PKD2L2: variants seen among roughly 807,000 people sequenced by gnomAD.
PKD2L2 encodes the protein polycystin-2-like protein 2.
Under a neutral mutation model 83.9 loss-of-function variants are expected in PKD2L2, and 67 were observed. That is an observed-to-expected ratio of 0.80 (90% CI 0.66 to 0.98). The LOEUF (loss-of-function observed/expected upper bound fraction) is 0.98. Ranked by LOEUF, PKD2L2 falls within the 50% of genes least tolerant of loss-of-function variation. The pLI is 0.00. For synonymous variants in PKD2L2, 223 were observed against 237.8 expected (o/e 0.94, Z 0.57); for missense variants, 632 against 717.2 (o/e 0.88, Z 1.36).
In PKD2L2 at chr5:137,942,630, T is replaced by C. The variant is rs1762196118; in HGVS notation, c.*264T>C. The C allele has an allele frequency of 2.4e-6, 1 of 421,118 alleles. No individual in the cohort carries two copies. 26.1% of individuals were successfully genotyped at this position (421,118 alleles called of 1,614,324 possible). Reference sequence around the variant, plus strand: ...CTCCTGCCTCAGCTTCAAAAACTGCTGGGATTATAGGCATGAGCCACTGTG... The same window carrying C: ...CTCCTGCCTCAGCTTCAAAAACTGCCGGGATTATAGGCATGAGCCACTGTG... On this transcript the variant is annotated 3_prime_UTR_variant, in exon 15 of 15. Transcript: ENST00000508883.
intron 5 of PKD2L2, among the ~76,000 whole-genome samples, chr5:137,903,525 T>C (rs1264620876): frequency 1.3e-5 from 2 of 152,176 alleles, no homozygotes; most frequent in African/African-American, 4.8e-5. Context: ...AAAGAAGCCA[T>C]TCTGAAAGGA....
chr5:137,893,927 A>T (rs754188217), intron 3 of PKD2L2, among the ~76,000 whole-genome samples: 3 of 152,226 alleles, frequency 2.0e-5, no homozygotes, highest in Non-Finnish European at 4.4e-5. Flanking sequence ...GCTTGGGTTC[A>T]TCTTAGAACG....
At chr5:137,891,916 T>G (rs944298547) in intron 2 of PKD2L2, among the ~76,000 whole-genome samples, 2 of 152,118 alleles carry the variant, frequency 1.3e-5, no homozygotes, top group African/African-American at 4.8e-5. Flanking sequence ...GAACTCCTGA[T>G]CTCAGGTGAT....
At chr5:137,903,645 T>C (rs1208367458) in intron 5 of PKD2L2, among the ~76,000 whole-genome samples, 1 of 152,212 alleles carries the variant, frequency 6.6e-6, no homozygotes, top group African/African-American at 2.4e-5. Context: ...CTTAAACATA[T>C]AAAACTAACA....
chr5:137,915,687 G>T (rs1388544637), intron 8 of PKD2L2, among the ~76,000 whole-genome samples: 1 of 152,174 alleles, frequency 6.6e-6, no homozygotes, highest in Non-Finnish European at 1.5e-5. Context: ...CCAAAGGGGA[G>T]GTTTTTTATT....
At chr5:137,940,967 G>A (rs1248618625) in intron 14 of PKD2L2, among the ~76,000 whole-genome samples, 2 of 152,094 alleles carry the variant, frequency 1.3e-5, no homozygotes, top group Admixed American at 6.5e-5. Context: ...GTGCAGTGGC[G>A]ACATCTCAGC....
At chr5:137,908,644 C>T (rs767218765) in intron 7 of PKD2L2, 121 bp from the exon 8 acceptor site, 1 of 556,434 alleles carries the variant, frequency 1.8e-6, no homozygotes, top group Non-Finnish European at 3.1e-6. Context: ...AATCCTCAAA[C>T]ACCCATGATT....
At chr5:137,894,286 T>C in intron 3 of PKD2L2, 67 bp from the exon 4 acceptor site, 2 of 1,314,518 alleles carry the variant, frequency 1.5e-6, no homozygotes. Context: ...TTATGCATAA[T>C]GTTATGAATG....
chr5:137,909,593 G>A (rs1167414511), intron 8 of PKD2L2, among the ~76,000 whole-genome samples: 3 of 140,798 alleles, frequency 2.1e-5, no homozygotes, highest in Non-Finnish European at 4.5e-5. Context: ...CACCCAGGCT[G>A]GACTACACTG....
chr5:137,914,670 T>C (rs1487707100), intron 8 of PKD2L2, among the ~76,000 whole-genome samples: 1 of 152,210 alleles, frequency 6.6e-6, no homozygotes, highest in African/African-American at 2.4e-5. Flanking sequence ...CTGTATTGAA[T>C]AGAAGTGGCA....
intron 1 of PKD2L2, 113 bp from the exon 2 acceptor site, chr5:137,890,368 T>G: frequency 1.5e-6 from 1 of 645,904 alleles, no homozygotes; most frequent in Non-Finnish European, 2.8e-6. Flanking sequence ...CCAGAAGCTA[T>G]TGGAGCTTTC....
chr5:137,916,268 C>T (rs531456325), intron 8 of PKD2L2, among the ~76,000 whole-genome samples: 19 of 151,992 alleles, frequency 1.3e-4, no homozygotes, highest in African/African-American at 4.3e-4. Flanking sequence ...CTCTGACTCC[C>T]AGGTTCAAGC....
At chr5:137,930,923 A>AAGGCTAGT (rs1759825653) in intron 12 of PKD2L2, among the ~76,000 whole-genome samples, 1 of 152,144 alleles carries the variant, frequency 6.6e-6, no homozygotes, top group Non-Finnish European at 1.5e-5. Flanking sequence ...AATAAATCAA[A>AAGGCTAGT]AGGCTAGTTC....
intron 9 of PKD2L2, among the ~76,000 whole-genome samples, chr5:137,922,416 T>G (rs1312109617): frequency 1.3e-5 from 2 of 152,018 alleles, no homozygotes; most frequent in Admixed American, 1.3e-4. Flanking sequence ...TTTAAACAGC[T>G]TCATAGAATT....
intron 8 of PKD2L2, among the ~76,000 whole-genome samples, chr5:137,916,449 T>C (rs997415161): frequency 1.3e-5 from 2 of 149,446 alleles, no homozygotes; most frequent in African/African-American, 2.5e-5. Context: ...TTGCCAGATA[T>C]AAGATTCTTA....
In PKD2L2 at chr5:137,925,884, C is replaced by T. The variant is rs201437170; in HGVS notation, c.1626C>T (p.Ser542=). 2.5e-5 allele frequency: 40 copies of T among 1,592,714 alleles called. 1 individual carries two copies. The highest frequency in any genetic ancestry group is 1.8e-4 in the South Asian group (16 of 89,102). The part of the protein sequence containing the change: ...QKDEDKKTKG[S]GDLAEQARRE... The stretch of plus-strand genomic sequence containing the variant: ...TTTATATTCTCAATAGCAAAGGCAG[C>T]GGAGATTTGGCTGAACAAGCCAGAA... The change falls in exon 12 of 15, where the codon AGC becomes AGT. Residue 542 remains serine, a synonymous_variant. Coordinates refer to ENST00000508883, the MANE Select transcript of PKD2L2 (RefSeq NM_001300921.2).
chr5:137,916,246 G>A (rs150206058), intron 8 of PKD2L2, among the ~76,000 whole-genome samples: 3,549 of 151,920 alleles, frequency 0.023, 60 homozygotes, highest in Non-Finnish European at 0.032. Flanking sequence ...CACGATCTCG[G>A]CTCACCACAA....
chr5:137,921,511 T>C, intron 8 of PKD2L2, 125 bp from the exon 9 acceptor site: 1 of 638,224 alleles, frequency 1.6e-6, no homozygotes, highest in Non-Finnish European at 2.7e-6. Flanking sequence ...TGTACTAACA[T>C]AATTAAAGTC....
At chr5:137,941,918 A>C (rs1761968367) in intron 14 of PKD2L2, 1 of 1,559,700 alleles carries the variant, frequency 6.4e-7, no homozygotes, top group African/African-American at 1.4e-5. Context: ...AAGAAAGATG[A>C]CTCAATTTTG....
Sources: gnomAD v4.1 joint callset for allele counts (sites outside exome capture counted in the v4.1 genomes callset) on GRCh38, gnomAD v4.1.1 for gene constraint, MANE v1.5 for transcripts, NCBI Gene and HGNC (gene_info 2026-07-23, HGNC 2026-07-21) for gene names.